ASNS: variants seen among roughly 807,000 people sequenced by gnomAD.
ASNS encodes the protein asparagine synthetase (glutamine-hydrolyzing), also known as asparagine synthetase [glutamine-hydrolyzing].
ASNS carries 37 observed loss-of-function variants against 62.6 expected under a neutral mutation model. The ratio of observed to expected loss-of-function variants is 0.59; its 90% confidence interval spans 0.45 to 0.78. The LOEUF is 0.78. Ranked by LOEUF, ASNS falls within the 30% of genes least tolerant of loss-of-function variation. The pLI, the probability that ASNS is intolerant of heterozygous loss-of-function variation, is 0.00. For synonymous variants in ASNS, 207 were observed against 237.9 expected, an observed-to-expected ratio of 0.87 and a Z score of 1.19; for missense variants, 520 against 682.4, an observed-to-expected ratio of 0.76 and a Z score of 2.65.
the ASNS span, among the ~76,000 whole-genome samples, chr7:97,906,054 C>CTTTT: frequency 6.6e-6 from 1 of 152,278 alleles, no homozygotes; most frequent in Non-Finnish European, 1.5e-5. Flanking sequence ...GCAAAAACAG[C>CTTTT]AATTATTTTT....
chr7:97,916,926 G>A, the ASNS span, among the ~76,000 whole-genome samples: 1 of 152,172 alleles, frequency 6.6e-6, no homozygotes, highest in African/African-American at 2.4e-5. Context: ...CACAGGTGCT[G>A]GACAGTGCTG....
chr7:97,864,697 A>G (rs773579857), intron 3 of ASNS, among the ~76,000 whole-genome samples: 2 of 152,218 alleles, frequency 1.3e-5, no homozygotes, highest in Non-Finnish European at 2.9e-5. Flanking sequence ...AGCCGAACCC[A>G]TGAAAATTTT....
At chr7:97,899,654 A>G in the ASNS span, among the ~76,000 whole-genome samples, 11 of 152,286 alleles carry the variant, frequency 7.2e-5, no homozygotes, top group Middle Eastern at 6.8e-3. Context: ...TCGACTTCCT[A>G]TTTCTATAGA....
intron 3 of ASNS, among the ~76,000 whole-genome samples, chr7:97,868,519 ATGTGTG>A (rs61611439): frequency 2.4e-5 from 3 of 122,920 alleles, no homozygotes; most frequent in East Asian, 2.7e-4. Context: ...CAGCAAAAAC[ATGTGTG>A]TGTGTGTGTG....
intron 1 of ASNS, chr7:97,870,342 G>A (rs1158540406): frequency 4.9e-5 from 19 of 388,994 alleles, no homozygotes; most frequent in Non-Finnish European, 1.4e-5. Flanking sequence ...TAACTATTTT[G>A]GTGTTTTTTT....
At chr7:97,858,246 A>G in intron 7 of ASNS, 32 bp downstream of exon 7, 1 of 1,610,344 alleles carries the variant, frequency 6.2e-7, no homozygotes, top group Admixed American at 1.7e-5. Context: ...TACTCTAACT[A>G]CACTACACAA....
rs1584458678 is a variant in ASNS at position 97,854,631 on chromosome 7, T to C, written c.1187A>G (p.Glu396Gly). The change falls in exon 10 of 13, where the codon GAA becomes GGA. Residue 396 changes from glutamate (E) to glycine (G), a missense_variant. Physicochemically the swap from Glu to Gly is moderately conservative, Grantham distance 98. Transcript: ENST00000394308. ...GCGGAGAACATCAAACAAATAGAGT[T>C]CCCTCAGAAGCCTCTCACTCTCCTC... ...AEEESERLLRELYLFDVLRAD... is the reference protein window; with the variant it reads ...AEEESERLLRGLYLFDVLRAD... The C allele has an allele frequency of 3.7e-6, 6 of 1,614,104 alleles. No homozygotes were observed. The highest frequency in any genetic ancestry group is 5.1e-6 in the Non-Finnish European group (6 of 1,180,022).
In ASNS at chr7:97,859,295, T is replaced by G. The variant is rs141969298; in HGVS notation, c.591A>C (p.Ala197=). 370 of 1,614,166 alleles carry G rather than the reference T, an allele frequency of 2.3e-4. No homozygotes were observed. The East Asian group carries it at 8.0e-3, about 35-fold the overall frequency. ...GATGATATTTAACCATTTCCACGGA[T>G]GCAACTTTGCCATTTGGCTTTAAAT... ...VLDLKPNGKV[A]SVEMVKYHHC... Residue 197 remains alanine, a synonymous_variant, in exon 5 of 13, where the codon GCA becomes GCC. Transcript: ENST00000394308.
the ASNS span, among the ~76,000 whole-genome samples, chr7:97,899,394 A>ATT: frequency 7.9e-5 from 12 of 152,278 alleles, 1 homozygote; most frequent in African/African-American, 2.9e-4. Context: ...AAGCACTGGG[A>ATT]TTTCAGGTGT....
upstream of ASNS, among the ~76,000 whole-genome samples, chr7:97,873,505 T>A (rs1182483188): frequency 4.6e-5 from 7 of 152,224 alleles, no homozygotes; most frequent in Non-Finnish European, 8.8e-5. Flanking sequence ...GAGAGATGAC[T>A]TGTTCTAAGG....
In ASNS at chr7:97,852,422, T is replaced by C; in HGVS notation, c.1523A>G (p.Asn508Ser). Residue 508 changes from asparagine (N) to serine (S), a missense_variant, in exon 13 of 13, where the codon AAT becomes AGT. Asn to Ser is a conservative substitution (Grantham distance 46). Coordinates refer to ENST00000394308, the MANE Select transcript of ASNS (RefSeq NM_001673.5). ...MANAAQKFPF[N>S]TPKTKEGYYY... ...ATATCCTTCTTTGGTTTTAGGAGTATTGAAGGGAAATTTCTGGGCTGCATT... is the reference window on the plus strand; with the variant it reads ...ATATCCTTCTTTGGTTTTAGGAGTACTGAAGGGAAATTTCTGGGCTGCATT... 1.9e-6 allele frequency: 3 copies of C among 1,614,168 alleles called. No individual in the cohort carries two copies. The highest frequency in any genetic ancestry group is 2.5e-6 in the Non-Finnish European group (3 of 1,180,010).
the ASNS span, among the ~76,000 whole-genome samples, chr7:97,901,792 A>T: frequency 2.0e-5 from 3 of 152,112 alleles, no homozygotes; most frequent in Non-Finnish European, 2.9e-5. Context: ...AGCCTGGCCA[A>T]CATGGTGAAA....
intron 4 of ASNS, among the ~76,000 whole-genome samples, chr7:97,861,103 GCTCCGT>G (rs1185821894): frequency 6.9e-6 from 1 of 144,166 alleles, no homozygotes; most frequent in Non-Finnish European, 1.5e-5. Context: ...CTTACCGCAA[GCTCCGT>G]CTCCCGGGTT....
At chr7:97,898,946 G>C in the ASNS span, 1 of 1,010,534 alleles carries the variant, frequency 9.9e-7, no homozygotes, top group African/African-American at 1.6e-5. Context: ...GAGACCATCA[G>C]ATGCAATTTG....
chr7:97,896,737 C>CATATATATATATATATATATATAT, the ASNS span, among the ~76,000 whole-genome samples: 36 of 30,476 alleles, frequency 1.2e-3, 3 homozygotes, highest in South Asian at 2.9e-3. Flanking sequence ...CACACACACA[C>CATATATATATATATATATATATAT]ACACATATAT....
chr7:97,918,284 T>G, the ASNS span, among the ~76,000 whole-genome samples: 1 of 152,134 alleles, frequency 6.6e-6, no homozygotes, highest in Non-Finnish European at 1.5e-5. Context: ...TTGCACAGGA[T>G]GCAAATTAAG....
chr7:97,911,333 A>G, the ASNS span, among the ~76,000 whole-genome samples: 2 of 152,214 alleles, frequency 1.3e-5, no homozygotes, highest in Non-Finnish European at 2.9e-5. Context: ...AGTTTTCATA[A>G]CAATAATAAT....
chr7:97,922,613 G>A, the ASNS span, among the ~76,000 whole-genome samples: 98 of 152,192 alleles, frequency 6.4e-4, no homozygotes, highest in Non-Finnish European at 9.9e-4. Context: ...ATAAGTCTGG[G>A]AGGTGATGTT....
chr7:97,883,649 C>G, the ASNS span, among the ~76,000 whole-genome samples: 1 of 152,144 alleles, frequency 6.6e-6, no homozygotes, highest in Admixed American at 6.5e-5. Flanking sequence ...GCATCCAAAC[C>G]GATCACTCGC....
Sources: gnomAD v4.1 joint callset for allele counts (sites outside exome capture counted in the v4.1 genomes callset) on GRCh38, gnomAD v4.1.1 for gene constraint, MANE v1.5 for transcripts, NCBI Gene and HGNC (gene_info 2026-07-23, HGNC 2026-07-21) for gene names.